HECW2: variants seen among roughly 807,000 people sequenced by gnomAD.
HECW2 encodes E3 ubiquitin-protein ligase HECW2.
Under a neutral mutation model 175.2 loss-of-function variants are expected in HECW2, and 61 were observed. That is an observed-to-expected ratio of 0.35 (90% confidence interval 0.28 to 0.43). HECW2 has a LOEUF of 0.43. Among genes scored for constraint, HECW2 ranks in the 20% least tolerant of loss-of-function variants. HECW2 has a pLI of 1.00. For synonymous variants in HECW2, 671 were observed against 731.0 expected (o/e 0.92, Z 1.32); for missense variants, 1,524 against 2,000.5 (o/e 0.76, Z 4.54).
At chr2:196,535,645 A>G (rs1688996178) in intron 1 of HECW2, among the ~76,000 whole-genome samples, 1 of 152,148 alleles carries the variant, frequency 6.6e-6, no homozygotes, top group African/African-American at 2.4e-5. Context: ...TGTGTACATA[A>G]TAGTCCTGGA....
chr2:196,228,002 C>T, intron 22 of HECW2, 100 bp downstream of exon 22: 1 of 1,151,008 alleles, frequency 8.7e-7, no homozygotes, highest in Non-Finnish European at 1.2e-6. Flanking sequence ...ATGACTTTGC[C>T]CAAGGGAAAA....
At chr2:196,334,323 T>C (rs1344880507) in intron 4 of HECW2, 101 bp downstream of exon 4, 2 of 871,328 alleles carry the variant, frequency 2.3e-6, no homozygotes, top group Admixed American at 5.0e-5. Context: ...GTGTTTCCTT[T>C]TTCATTGTTC....
intron 1 of HECW2, among the ~76,000 whole-genome samples, chr2:196,469,120 C>CGTGTGTGTGT (rs33984882): frequency 5.7e-4 from 82 of 144,828 alleles, no homozygotes; most frequent in African/African-American, 7.7e-4. Context: ...TGTGTGTGTG[C>CGTGTGTGTGT]GTGTGTGTGT....
At chr2:196,361,947 G>A in intron 2 of HECW2, 1 of 985,394 alleles carries the variant, frequency 1.0e-6, no homozygotes, top group Non-Finnish European at 1.2e-6. Context: ...GGAGCAGCCA[G>A]AGCTGAACTG....
chr2:196,504,274 GA>G (rs1559147181), intron 1 of HECW2, among the ~76,000 whole-genome samples: 1 of 136,480 alleles, frequency 7.3e-6, no homozygotes, highest in Admixed American at 8.0e-5. Context: ...CCAGCTGGGG[GA>G]TAAGAGTGAA....
chr2:196,391,251 C>T (rs768892684), intron 2 of HECW2, among the ~76,000 whole-genome samples: 82 of 152,266 alleles, frequency 5.4e-4, no homozygotes, highest in Admixed American at 1.7e-3. Context: ...CCTCTTCTTA[C>T]ATCTTCAGGC....
intron 14 of HECW2, among the ~76,000 whole-genome samples, chr2:196,286,384 G>A (rs1264694578): frequency 8.7e-6 from 1 of 115,576 alleles, no homozygotes; most frequent in Non-Finnish European, 2.0e-5. Flanking sequence ...TTAAGATGGA[G>A]GTCATATATA....
intron 14 of HECW2, 92 bp from the exon 15 acceptor site, chr2:196,278,754 G>T: frequency 7.2e-7 from 1 of 1,382,266 alleles, no homozygotes; most frequent in Non-Finnish European, 1.0e-6. Flanking sequence ...TCACTTCTGA[G>T]TCACAATCTT....
intron 5 of HECW2, among the ~76,000 whole-genome samples, chr2:196,327,883 G>C (rs941230897): frequency 8.5e-5 from 13 of 152,114 alleles, no homozygotes; most frequent in Non-Finnish European, 1.9e-4. Flanking sequence ...AAATGCCCTA[G>C]GATTTTTAAC....
At chr2:196,540,668 C>T (rs923627946) in intron 1 of HECW2, among the ~76,000 whole-genome samples, 2 of 152,146 alleles carry the variant, frequency 1.3e-5, no homozygotes, top group African/African-American at 2.4e-5. Flanking sequence ...TGGTCTTGAA[C>T]TCCTGGCCTC....
rs1474199116 is a variant in HECW2, at chr2:196,280,780, T to C, written c.3001-2118A>G. On this transcript the variant is annotated intron_variant, in intron 14 of 28. Transcript: ENST00000644978. ...GTGCTTCTAATACAATTGTCCACTATTTCTGCCACTACTCAAAATGTCATA... is the reference window on the plus strand; with the variant it reads ...GTGCTTCTAATACAATTGTCCACTACTTCTGCCACTACTCAAAATGTCATA... Among the ~76,000 whole-genome samples, 2 of 152,334 alleles carry C rather than the reference T, an allele frequency of 1.3e-5. 1 individual carries two copies.
At chr2:196,470,755 T>C (rs1163613338) in intron 1 of HECW2, among the ~76,000 whole-genome samples, 1 of 152,146 alleles carries the variant, frequency 6.6e-6, no homozygotes, top group Non-Finnish European at 1.5e-5. Flanking sequence ...CATTGATATA[T>C]GGAAGCTTTA....
At chr2:196,215,596 A>G (rs1348273497) in intron 28 of HECW2, among the ~76,000 whole-genome samples, 2 of 152,246 alleles carry the variant, frequency 1.3e-5, no homozygotes, top group African/African-American at 2.4e-5. Context: ...AGCCACAAGC[A>G]TGATAACCAA....
chr2:196,270,588 T>C (rs911868308), intron 17 of HECW2, among the ~76,000 whole-genome samples: 1 of 152,232 alleles, frequency 6.6e-6, no homozygotes, highest in Non-Finnish European at 1.5e-5. Flanking sequence ...CAAAAAGTTA[T>C]GTCATTAATT....
chr2:196,298,605 G>A (rs1056786615), intron 13 of HECW2, among the ~76,000 whole-genome samples: 3 of 151,718 alleles, frequency 2.0e-5, no homozygotes, highest in Non-Finnish European at 4.4e-5. Context: ...CCATTAACTC[G>A]TCATTTACAT....
rs117395297 is a variant in HECW2 at position 196,370,721 on chromosome 2, C to T, written c.293-26957G>A. Among the ~76,000 whole-genome samples the T allele has an allele frequency of 5.3e-4, 81 of 152,298 alleles. No homozygotes were observed. The East Asian group carries it at 0.013, about 24-fold the overall frequency. ...TTCTGACTGCTAGAATGAGTGATTC[C>T]CCTCTGGCTAGGGCTGATCTAAATG... On this transcript the variant is annotated intron_variant, in intron 2 of 28. Transcript: ENST00000644978.
At chr2:196,510,207 C>A (rs1245820052) in intron 1 of HECW2, among the ~76,000 whole-genome samples, 1 of 152,114 alleles carries the variant, frequency 6.6e-6, no homozygotes, top group Non-Finnish European at 1.5e-5. Flanking sequence ...CTCTCAATCC[C>A]AATTTGGCTA....
intron 1 of HECW2, among the ~76,000 whole-genome samples, chr2:196,542,177 T>C (rs926220784): frequency 3.3e-5 from 5 of 151,226 alleles, no homozygotes; most frequent in Non-Finnish European, 7.4e-5. Flanking sequence ...GGCAGGAGAA[T>C]TGCTTGAACC....
At chr2:196,252,517 T>C (rs2105911232) in intron 19 of HECW2, among the ~76,000 whole-genome samples, 1 of 152,248 alleles carries the variant, frequency 6.6e-6, no homozygotes, top group South Asian at 2.1e-4. Flanking sequence ...ACAGGAGATC[T>C]GATTGTTTAA....
Sources: allele counts gnomAD v4.1 joint callset (sites outside exome capture counted in the v4.1 genomes callset), GRCh38; gene constraint gnomAD v4.1.1; transcripts MANE v1.5; gene names NCBI Gene and HGNC (gene_info 2026-07-23, HGNC 2026-07-21).